Variants in ENTPD1 observed in about 807,000 individuals in gnomAD.
ENTPD1 encodes the protein ATP diphosphohydrolase.
A neutral mutation model predicts 57.0 loss-of-function variants in ENTPD1; 33 were observed. The ratio of observed to expected loss-of-function variants is 0.58; its 90% CI spans 0.44 to 0.77. ENTPD1 has a LOEUF of 0.77. Ranked by LOEUF, ENTPD1 falls within the 30% of genes least tolerant of loss-of-function variation. The pLI, the probability that ENTPD1 is intolerant of heterozygous loss-of-function variation, is 0.00. For synonymous variants in ENTPD1, 202 were observed against 218.8 expected (o/e 0.92, Z 0.68); for missense variants, 501 against 603.4 (o/e 0.83, Z 1.78).
chr10:95,755,931 AAGAG>A (rs577322485), upstream of ENTPD1: 266 of 1,486,960 alleles, frequency 1.8e-4, no homozygotes, highest in Non-Finnish European at 2.2e-4. Flanking sequence ...AGAAGGGAGA[AAGAG>A]AGAGAGATTT....
the ENTPD1 span, among the ~76,000 whole-genome samples, chr10:95,700,719 A>T: frequency 2.0e-5 from 3 of 152,156 alleles, no homozygotes. Context: ...GAAAAACAAT[A>T]AAACAAATAA....
At chr10:95,814,248 A>C (rs927424810) in intron 1 of ENTPD1, among the ~76,000 whole-genome samples, 1 of 152,178 alleles carries the variant, frequency 6.6e-6, no homozygotes, top group African/African-American at 2.4e-5. Context: ...TTCTCAATGC[A>C]ATCTATGGGC....
At chr10:95,813,145 G>A (rs2098314837) in intron 1 of ENTPD1, among the ~76,000 whole-genome samples, 1 of 152,188 alleles carries the variant, frequency 6.6e-6, no homozygotes, top group Non-Finnish European at 1.5e-5. Flanking sequence ...GTTACAGCCT[G>A]CAGGATGGCC....
At chr10:95,832,220 G>A (rs1164809453) in intron 2 of ENTPD1, among the ~76,000 whole-genome samples, 1 of 152,076 alleles carries the variant, frequency 6.6e-6, no homozygotes, top group African/African-American at 2.4e-5. Context: ...GCAGACCTCT[G>A]CCTCAGAGTT....
chr10:95,777,672 C>T (rs1187344979), intron 1 of ENTPD1, among the ~76,000 whole-genome samples: 2 of 152,198 alleles, frequency 1.3e-5, no homozygotes, highest in Middle Eastern at 3.2e-3. Flanking sequence ...CTGGGAGAAC[C>T]ACTGCTCTCT....
chr10:95,764,556 C>A (rs4481960), intron 1 of ENTPD1, among the ~76,000 whole-genome samples: 127,463 of 152,026 alleles, frequency 0.84, 54,191 homozygotes, highest in African/African-American at 0.95. Context: ...ACTTTTTATT[C>A]CCTATCTTTT....
At chr10:95,706,712 G>GT in the ENTPD1 span, among the ~76,000 whole-genome samples, 3 of 152,204 alleles carry the variant, frequency 2.0e-5, no homozygotes, top group Admixed American at 2.0e-4. Flanking sequence ...TCATAGGGTA[G>GT]TAAGTACATG....
rs1298993074 is a variant in ENTPD1, at chr10:95,874,875, G to A, written c.*8492G>A. 2.0e-5 allele frequency among the ~76,000 whole-genome samples: 3 copies of A among 152,240 alleles called. No individual in the cohort carries two copies. Among genetic ancestry groups the A allele is most frequent in the Non-Finnish European group, 4.4e-5 (3 of 68,044 alleles). On this transcript the variant is annotated 3_prime_UTR_variant, in exon 10 of 10. Coordinates refer to ENST00000371205, the MANE Select transcript of ENTPD1 (RefSeq NM_001776.6). Reference sequence around the variant, plus strand: ...GGGGCCTCTACCCTCTGAAGCCACAGCCCAAGCTCTATGTTGGCTCCTTTC... The same window carrying A: ...GGGGCCTCTACCCTCTGAAGCCACAACCCAAGCTCTATGTTGGCTCCTTTC...
intron 1 of ENTPD1, among the ~76,000 whole-genome samples, chr10:95,716,283 T>A (rs974698305): frequency 6.6e-5 from 10 of 152,238 alleles, no homozygotes; most frequent in African/African-American, 2.4e-4. Context: ...GGTTTACCTG[T>A]GATAAGATAT....
chr10:95,794,692 G>A (rs2098219012), intron 1 of ENTPD1, among the ~76,000 whole-genome samples: 1 of 152,130 alleles, frequency 6.6e-6, no homozygotes, highest in Non-Finnish European at 1.5e-5. Flanking sequence ...TGTTGTGAAG[G>A]GTACCAGTTA....
intron 1 of ENTPD1, among the ~76,000 whole-genome samples, chr10:95,719,505 A>G (rs11188445): frequency 0.46 from 70,067 of 152,048 alleles, 16,577 homozygotes; most frequent in East Asian, 0.74. Flanking sequence ...TTTTGGGATG[A>G]GGATAAGCCA....
At chr10:95,821,993 T>C (rs1221419320) in intron 1 of ENTPD1, among the ~76,000 whole-genome samples, 3 of 140,238 alleles carry the variant, frequency 2.1e-5, no homozygotes, top group African/African-American at 7.9e-5. Flanking sequence ...AAGTAGCTTT[T>C]GCCTTTTTTT....
Position 95,844,480 on chromosome 10 carries a change from G to T in ENTPD1, c.418G>T (p.Glu140Ter). 6.2e-7 allele frequency: 1 copy of T among 1,614,086 alleles called. No homozygotes were observed. Among genetic ancestry groups the T allele is most frequent in the East Asian group, 2.2e-5 (1 of 44,890 alleles). ...CTCAGCTCTTCCTTTGTACAGGATG[G>T]AAAGTGAAGAGTTGGCAGACAGGGT... ...ATAGMRLLRM[E>*]SEELADRVLD... The change falls in exon 5 of 10, where the codon GAA becomes TAA. Residue 140 changes from glutamate (E) to a stop codon, truncating the protein, a stop_gained. Coordinates refer to ENST00000371205, the MANE Select transcript of ENTPD1 (RefSeq NM_001776.6). LOFTEE classifies it high-confidence loss of function.
At chr10:95,738,838 G>A (rs964428432) in intron 1 of ENTPD1, among the ~76,000 whole-genome samples, 3 of 152,178 alleles carry the variant, frequency 2.0e-5, no homozygotes, top group Non-Finnish European at 4.4e-5. Context: ...GAAGGATTTA[G>A]ATGAGGAGGA....
intron 1 of ENTPD1, among the ~76,000 whole-genome samples, chr10:95,781,988 T>C (rs2098159879): frequency 6.6e-6 from 1 of 152,200 alleles, no homozygotes; most frequent in African/African-American, 2.4e-5. Flanking sequence ...GGACAAATTA[T>C]TGATGAGAGT....
intron 1 of ENTPD1, among the ~76,000 whole-genome samples, chr10:95,744,705 C>G (rs1281965999): frequency 6.6e-6 from 1 of 151,546 alleles, no homozygotes; most frequent in Admixed American, 6.6e-5. Context: ...TAATACAGTT[C>G]CATTATTTTG....
At chr10:95,865,000 C>G in intron 9 of ENTPD1, 139 bp downstream of exon 9, 1 of 1,062,844 alleles carries the variant, frequency 9.4e-7, no homozygotes, top group Non-Finnish European at 1.4e-6. Context: ...TGCTTCAAAC[C>G]CTGGCATTCT....
intron 7 of ENTPD1, among the ~76,000 whole-genome samples, chr10:95,849,132 C>A (rs1223676630): frequency 1.3e-5 from 2 of 152,140 alleles, no homozygotes; most frequent in Non-Finnish European, 2.9e-5. Flanking sequence ...ATCCTAGCTC[C>A]AAATTCCTTA....
At chr10:95,761,891 C>G (rs1352765180) in intron 1 of ENTPD1, among the ~76,000 whole-genome samples, 1 of 152,136 alleles carries the variant, frequency 6.6e-6, no homozygotes, top group Non-Finnish European at 1.5e-5. Flanking sequence ...CTGAGACTGG[C>G]AACAGTGTGC....
Sources: allele counts gnomAD v4.1 joint callset (sites outside exome capture counted in the v4.1 genomes callset), GRCh38; gene constraint gnomAD v4.1.1; transcripts MANE v1.5; gene names NCBI Gene and HGNC (gene_info 2026-07-23, HGNC 2026-07-21).